The following ALK variants were observed in gnomAD, a reference collection of about 807,000 sequenced individuals.
The protein encoded by ALK is ALK receptor tyrosine kinase.
Under a neutral mutation model 163.1 loss-of-function variants are expected in ALK, and 74 were observed. That is an observed-to-expected ratio of 0.45 (90% CI 0.38 to 0.55). The LOEUF (loss-of-function observed/expected upper bound fraction) is 0.55, where lower values mean the gene tolerates loss of function less well. Among genes scored for constraint, ALK ranks in the 20% least tolerant of loss-of-function variants. The probability of loss-of-function intolerance (pLI) is 0.00; values close to 1 mark genes in which losing one functional copy is unlikely to be tolerated. For missense variants in ALK, 2,063 were observed against 2,105.3 expected, an observed-to-expected ratio of 0.98 and a Z score of 0.39; for synonymous variants, 960 against 843.2, an observed-to-expected ratio of 1.14 and a Z score of -2.40.
At chr2:29,820,542 A>G (rs1196407257) in intron 1 of ALK, among the ~76,000 whole-genome samples, 1 of 152,250 alleles carries the variant, frequency 6.6e-6, no homozygotes, top group Non-Finnish European at 1.5e-5. Context: ...TCTTGAAAAC[A>G]TCAAATAGAT....
intron 3 of ALK, among the ~76,000 whole-genome samples, chr2:29,593,264 C>T (rs955092068): frequency 2.0e-5 from 3 of 152,158 alleles, no homozygotes; most frequent in African/African-American, 4.8e-5. Flanking sequence ...GTCAGGAGGT[C>T]AGAAAAGTCC....
At chr2:29,519,938 T>C (rs1000417920) in intron 4 of ALK, among the ~76,000 whole-genome samples, 4 of 152,202 alleles carry the variant, frequency 2.6e-5, no homozygotes, top group Admixed American at 2.0e-4. Flanking sequence ...TCTTAGATTA[T>C]CTGAAAAGAT....
intron 1 of ALK, among the ~76,000 whole-genome samples, chr2:29,827,979 A>G (rs1665248262): frequency 6.6e-6 from 1 of 152,244 alleles, no homozygotes; most frequent in Admixed American, 6.5e-5. Context: ...ATATAGATCA[A>G]TGGAACAGAA....
rs370313694 is a variant in ALK at position 29,761,831 on chromosome 2, G to A, written c.668-44134C>T. ...ATCTCTCCCTTTGGGTTCCAGTAACGAGTCCAGAAGCTTAGAAGGACTCCA... is the reference window on the plus strand; with the variant it reads ...ATCTCTCCCTTTGGGTTCCAGTAACAAGTCCAGAAGCTTAGAAGGACTCCA... On this transcript the variant is annotated intron_variant, in intron 1 of 28. Coordinates refer to ENST00000389048, the MANE Select transcript of ALK (RefSeq NM_004304.5). Among the ~76,000 whole-genome samples, 8 of 152,290 alleles carry A rather than the reference G, an allele frequency of 5.3e-5. No homozygotes were observed. The South Asian group carries it at 1.2e-3, about 24-fold the overall frequency.
chr2:29,666,433 G>C (rs573344914), intron 3 of ALK, among the ~76,000 whole-genome samples: 1 of 152,006 alleles, frequency 6.6e-6, no homozygotes, highest in African/African-American at 2.4e-5. Flanking sequence ...GAAGTCACTT[G>C]ATCAATGCCC....
chr2:29,913,190 A>T (rs1158036020), intron 1 of ALK, among the ~76,000 whole-genome samples: 1 of 152,106 alleles, frequency 6.6e-6, no homozygotes, highest in East Asian at 1.9e-4. Context: ...CCCAAGGGAG[A>T]TCTTCTCTGC....
intron 4 of ALK, among the ~76,000 whole-genome samples, chr2:29,506,419 G>A (rs77235799): frequency 0.014 from 2,167 of 152,226 alleles, 65 homozygotes; most frequent in African/African-American, 0.05. Context: ...CTCATCAGGG[G>A]ATAATGCTTT....
chr2:29,207,243 G>A lies in ALK; in HGVS notation c.3866C>T (p.Ala1289Val), dbSNP rs1173246434. 1.2e-6 allele frequency: 2 copies of A among 1,614,118 alleles called. No individual in the cohort carries two copies. The highest frequency in any genetic ancestry group is 1.7e-6 in the Non-Finnish European group (2 of 1,179,986). The change falls in exon 26 of 29, where the codon GCC (alanine) becomes GTC (valine). Residue 1289 changes from alanine (A) to valine (V), a missense_variant. By Grantham distance (64) the Ala-to-Val change is moderately conservative. Around this residue, in one of 5 missense-constraint regions of ALK, gnomAD observed 83 missense variants for 139.7 expected, o/e 0.59. Coordinates refer to ENST00000389048, the MANE Select transcript of ALK (RefSeq NM_004304.5). ...RASYYRKGGC[A>V]MLPVKWMPPE... The stretch of plus-strand genomic sequence containing the variant: ...GGGCATCCACTTAACTGGCAGCATG[G>A]CACAGCCTCCCTTTCTATAGTAGCT...
Position 29,704,359 on chromosome 2 carries a change from A to G in ALK, c.788-9345T>C, listed in dbSNP as rs551196883. ...CCAAATGTAGGCCTTCAGAGTCATG[A>G]GGGACCTTGGAGACCTCTGAGAGGA... On this transcript the variant is annotated intron_variant, in intron 2 of 28. Transcript: ENST00000389048. Among the ~76,000 whole-genome samples the G allele has an allele frequency of 1.7e-4, 26 of 152,306 alleles. No homozygotes were observed. The South Asian group carries it at 1.9e-3, about 11-fold the overall frequency.
At chr2:29,779,218 T>C (rs983937619) in intron 1 of ALK, among the ~76,000 whole-genome samples, 1 of 151,938 alleles carries the variant, frequency 6.6e-6, no homozygotes, top group Non-Finnish European at 1.5e-5. Context: ...ACTAGGCCTC[T>C]AGGAAGGGTT....
chr2:29,262,683 T>G (rs1665118731), intron 11 of ALK, among the ~76,000 whole-genome samples: 1 of 152,238 alleles, frequency 6.6e-6, no homozygotes, highest in African/African-American at 2.4e-5. Context: ...TCTCCCTCCC[T>G]GCGGAAGGCA....
At chr2:29,275,374 C>T (rs1424420054) in intron 10 of ALK, 28 bp downstream of exon 10, 1 of 1,612,742 alleles carries the variant, frequency 6.2e-7, no homozygotes, top group East Asian at 2.2e-5. Context: ...GGTTGGGGGA[C>T]AGAGTGCTGG....
rs1415689695 is a variant in ALK at position 29,370,692 on chromosome 2, G to A, written c.1282+13040C>T. On this transcript the variant is annotated intron_variant, in intron 5 of 28. Coordinates refer to ENST00000389048, the MANE Select transcript of ALK (RefSeq NM_004304.5). ...CTCTTAGCTACCATTGGCTGGCCATGTGGCTGGCCCTTCCTGTTAATTAGA... is the reference window on the plus strand; with the variant it reads ...CTCTTAGCTACCATTGGCTGGCCATATGGCTGGCCCTTCCTGTTAATTAGA... Among the ~76,000 whole-genome samples the A allele has an allele frequency of 3.3e-5, 5 of 152,174 alleles. No homozygotes were observed. In the East Asian group the frequency reaches 9.6e-4, roughly 29 times the overall value.
At chr2:29,442,345 C>T (rs999528986) in intron 4 of ALK, among the ~76,000 whole-genome samples, 5 of 151,874 alleles carry the variant, frequency 3.3e-5, no homozygotes, top group African/African-American at 4.8e-5. Context: ...AGCATGAATG[C>T]GGTTGGGCCA....
intron 1 of ALK, among the ~76,000 whole-genome samples, chr2:29,875,480 T>C (rs535095439): frequency 6.6e-6 from 1 of 152,346 alleles, no homozygotes; most frequent in Admixed American, 6.5e-5. Flanking sequence ...GTTTGTTATA[T>C]AGGTATACCT....
intron 26 of ALK, among the ~76,000 whole-genome samples, chr2:29,202,493 A>T (rs1669207770): frequency 2.0e-5 from 3 of 152,256 alleles, no homozygotes; most frequent in African/African-American, 7.2e-5. Flanking sequence ...ACTTAGAGAC[A>T]GAAAGACCCC....
intron 1 of ALK, among the ~76,000 whole-genome samples, chr2:29,859,763 T>A (rs1021001136): frequency 4.6e-5 from 7 of 152,152 alleles, no homozygotes; most frequent in African/African-American, 1.7e-4. Context: ...GACGGTTTGG[T>A]CACATAGGGA....
At chr2:29,659,168 A>G (rs867716130) in intron 3 of ALK, among the ~76,000 whole-genome samples, 1 of 152,154 alleles carries the variant, frequency 6.6e-6, no homozygotes, top group Admixed American at 6.6e-5. Context: ...AGCCTGCTGC[A>G]GGTAGTTAAA....
intron 3 of ALK, among the ~76,000 whole-genome samples, chr2:29,600,031 A>C (rs1008602645): frequency 6.6e-6 from 1 of 152,142 alleles, no homozygotes; most frequent in Admixed American, 6.6e-5. Flanking sequence ...AAGGGCCCAG[A>C]GCTCACTCCG....
Sources: gnomAD v4.1 joint callset for allele counts (sites outside exome capture counted in the v4.1 genomes callset) on GRCh38, gnomAD v4.1.1 for gene constraint, gnomAD v4.1.1 regional missense constraint, MANE v1.5 for transcripts, NCBI Gene and HGNC (gene_info 2026-07-23, HGNC 2026-07-21) for gene names.